KAZN: variants seen among roughly 807,000 people sequenced by gnomAD.
KAZN encodes the protein kazrin, periplakin interacting protein, also known as kazrin.
In KAZN, 40 loss-of-function variants were observed where a neutral mutation model predicts 87.4. The observed-to-expected ratio is 0.46, with a 90% CI of 0.36 to 0.60. The LOEUF (loss-of-function observed/expected upper bound fraction) is 0.60, where lower values mean the gene tolerates loss of function less well. Among genes scored for constraint, KAZN ranks in the 20% least tolerant of loss-of-function variants. The pLI is 0.00. For missense variants in KAZN, 898 were observed against 1,073.9 expected, an observed-to-expected ratio of 0.84 and a Z score of 2.29; for synonymous variants, 466 against 458.3, an observed-to-expected ratio of 1.02 and a Z score of -0.22.
At chr1:15,087,129 A>G (rs572811909) in intron 8 of KAZN, among the ~76,000 whole-genome samples, 11 of 152,374 alleles carry the variant, frequency 7.2e-5, no homozygotes, top group African/African-American at 2.6e-4. Context: ...AAAACAAACC[A>G]AAGAAAAAAA....
At chr1:13,959,412 G>T (rs1641670156) in intron 1 of KAZN, among the ~76,000 whole-genome samples, 1 of 152,160 alleles carries the variant, frequency 6.6e-6, no homozygotes, top group Non-Finnish European at 1.5e-5. Context: ...CTGTAAGTTG[G>T]CAGGGAGGAA....
intron 5 of KAZN, 100 bp from the exon 6 acceptor site, chr1:15,060,072 C>G (rs1333159782): frequency 9.5e-6 from 14 of 1,476,614 alleles, no homozygotes; most frequent in Admixed American, 1.9e-5. Context: ...CTCAGTGTTC[C>G]CATCTGTAGA....
intron 2 of KAZN, among the ~76,000 whole-genome samples, chr1:14,224,967 G>A (rs1328836275): frequency 6.6e-6 from 1 of 152,108 alleles, no homozygotes; most frequent in Non-Finnish European, 1.5e-5. Context: ...AAAGTAAGCT[G>A]TAGTTTAATT....
intron 2 of KAZN, among the ~76,000 whole-genome samples, chr1:14,410,005 TAGATA>T (rs1254972640): frequency 6.6e-6 from 1 of 152,144 alleles, no homozygotes; most frequent in Non-Finnish European, 1.5e-5. Flanking sequence ...AGCTGGAAGA[TAGATA>T]TGAGGAAATT....
At chr1:14,039,290 AC>A (rs1641699672) in intron 1 of KAZN, among the ~76,000 whole-genome samples, 2 of 151,946 alleles carry the variant, frequency 1.3e-5, no homozygotes, top group African/African-American at 4.8e-5. Flanking sequence ...CAAGACTTCC[AC>A]TCTCTACGTC....
intron 2 of KAZN, among the ~76,000 whole-genome samples, chr1:14,288,963 T>C (rs1456699580): frequency 6.6e-6 from 1 of 152,236 alleles, no homozygotes; most frequent in East Asian, 1.9e-4. Flanking sequence ...CAGGAGCAGG[T>C]TGTTCAGTTT....
chr1:14,972,454 C>T (rs966354063), intron 2 of KAZN, among the ~76,000 whole-genome samples: 1 of 151,946 alleles, frequency 6.6e-6, no homozygotes, highest in African/African-American at 2.4e-5. Flanking sequence ...AGGCCTTGAC[C>T]CTGATTCACC....
At chr1:15,079,195 C>T (rs1019573291) in intron 8 of KAZN, among the ~76,000 whole-genome samples, 2 of 152,088 alleles carry the variant, frequency 1.3e-5, no homozygotes, top group Non-Finnish European at 2.9e-5. Context: ...GTCTCCCAGC[C>T]GTCACAATGC....
At chr1:14,386,384 A>G (rs1005437555) in intron 2 of KAZN, among the ~76,000 whole-genome samples, 12 of 151,348 alleles carry the variant, frequency 7.9e-5, no homozygotes, top group Non-Finnish European at 1.5e-4. Context: ...TTTGCTCGTT[A>G]GTTGATGCAG....
intron 2 of KAZN, among the ~76,000 whole-genome samples, chr1:14,343,721 G>A (rs1380307348): frequency 3.9e-5 from 6 of 152,194 alleles, no homozygotes; most frequent in East Asian, 3.9e-4. Flanking sequence ...CAAACAAATC[G>A]AATTTTTAAA....
intron 1 of KAZN, among the ~76,000 whole-genome samples, chr1:13,929,047 C>CTTTTTT (rs33984927): frequency 0.07 from 7,100 of 101,194 alleles, 294 homozygotes; most frequent in Non-Finnish European, 0.086. Context: ...AGCTTCAAGG[C>CTTTTTT]TTTTTTTTTT....
chr1:14,564,072 T>C (rs1674408715), intron 2 of KAZN, among the ~76,000 whole-genome samples: 1 of 151,918 alleles, frequency 6.6e-6, no homozygotes, highest in African/African-American at 2.4e-5. Context: ...TTTCACCATG[T>C]TGGCCAGGCT....
chr1:14,938,617 G>A (rs1436402568), intron 1 of KAZN, among the ~76,000 whole-genome samples: 1 of 151,914 alleles, frequency 6.6e-6, no homozygotes, highest in Non-Finnish European at 1.5e-5. Context: ...CAAGTCCAGA[G>A]TCCAATACTC....
intron 2 of KAZN, among the ~76,000 whole-genome samples, chr1:14,407,771 A>G (rs1374569137): frequency 6.6e-6 from 1 of 152,150 alleles, no homozygotes; most frequent in East Asian, 1.9e-4. Flanking sequence ...TTTTTTTTTA[A>G]AAAGACAAAT....
chr1:14,251,291 A>T (rs1319692181), intron 2 of KAZN, among the ~76,000 whole-genome samples: 1 of 152,190 alleles, frequency 6.6e-6, no homozygotes, highest in South Asian at 2.1e-4. Flanking sequence ...GATAAGGTTG[A>T]TTGAGATAGA....
At chr1:14,759,142 T>TC (rs1644662123) in intron 1 of KAZN, among the ~76,000 whole-genome samples, 1 of 152,116 alleles carries the variant, frequency 6.6e-6, no homozygotes, top group Non-Finnish European at 1.5e-5. Context: ...TAAATAAAAA[T>TC]CCGTGGGGGA....
intron 1 of KAZN, among the ~76,000 whole-genome samples, chr1:14,704,005 A>T (rs1367210442): frequency 6.6e-6 from 1 of 152,248 alleles, no homozygotes; most frequent in Admixed American, 6.5e-5. Context: ...TACCAAGTCC[A>T]GGATTAGACA....
chr1:15,074,645 G>A (rs1573255082), intron 8 of KAZN, among the ~76,000 whole-genome samples: 1 of 152,168 alleles, frequency 6.6e-6, no homozygotes, highest in Admixed American at 6.5e-5. Context: ...ATTGAGCAAC[G>A]CCTCCCCAGG....
At chr1:14,421,741 G>A (rs1044317198) in intron 2 of KAZN, among the ~76,000 whole-genome samples, 12 of 152,044 alleles carry the variant, frequency 7.9e-5, no homozygotes, top group African/African-American at 2.9e-4. Context: ...CTGCCCAAAA[G>A]GAATCTCCCA....
Sources: allele counts gnomAD v4.1 joint callset (sites outside exome capture counted in the v4.1 genomes callset), GRCh38; gene constraint gnomAD v4.1.1; transcripts MANE v1.5; gene names NCBI Gene and HGNC (gene_info 2026-07-23, HGNC 2026-07-21).